CTBP2: variants seen among roughly 807,000 people sequenced by gnomAD.
CTBP2 encodes the protein C-terminal binding protein 2.
CTBP2 carries 30 observed loss-of-function variants against 80.3 expected under a neutral mutation model. The ratio of observed to expected loss-of-function variants is 0.37; its 90% CI spans 0.28 to 0.51. The LOEUF is 0.51. CTBP2 is among the 20% of genes least tolerant of loss of function. CTBP2 has a pLI of 0.93. For missense variants in CTBP2, 1,212 were observed against 1,375.3 expected (o/e 0.88, Z 1.88); for synonymous variants, 594 against 587.4 (o/e 1.01, Z -0.16).
chr10:124,993,351 A>AC lies in CTBP2; in HGVS notation c.2532-23_2532-22insG, dbSNP rs777357411. Reference sequence around the variant, plus strand: ...AAAGCTAGAAAAATGTAGAAAAAACAGAGTAAGCGGGAAATGTCGCATACG... The same window carrying AC: ...AAAGCTAGAAAAATGTAGAAAAAACACGAGTAAGCGGGAAATGTCGCATACG... On this transcript the variant is annotated intron_variant, in intron 6 of 8. Transcript: ENST00000309035. The AC allele has an allele frequency of 1.9e-6, 3 of 1,602,180 alleles. No homozygotes were observed. In the East Asian group the frequency reaches 6.7e-5, roughly 36 times the overall value.
chr10:125,052,531 C>T (rs891267913), intron 2 of CTBP2, among the ~76,000 whole-genome samples: 3 of 152,242 alleles, frequency 2.0e-5, no homozygotes, highest in Non-Finnish European at 4.4e-5. Flanking sequence ...TTTGTGTTGT[C>T]TGTGTTAACA....
chr10:125,145,255 C>T (rs924671614), intron 1 of CTBP2, among the ~76,000 whole-genome samples: 1 of 152,138 alleles, frequency 6.6e-6, no homozygotes, highest in African/African-American at 2.4e-5. Flanking sequence ...TCAGGCACCC[C>T]CTGGAGGAGG....
At chr10:125,154,467 C>T (rs911226682) in intron 1 of CTBP2, among the ~76,000 whole-genome samples, 1 of 152,200 alleles carries the variant, frequency 6.6e-6, no homozygotes, top group Non-Finnish European at 1.5e-5. Context: ...CATCACTTGT[C>T]CCATTCATAA....
chr10:125,031,007 C>T (rs2919286), upstream of CTBP2, among the ~76,000 whole-genome samples: 70,634 of 151,964 alleles, frequency 0.46, 16,734 homozygotes, highest in East Asian at 0.63. Flanking sequence ...GTGCCCTCTA[C>T]GTCTCCCACA....
intron 1 of CTBP2, among the ~76,000 whole-genome samples, chr10:125,016,919 C>T (rs773869816): frequency 1.3e-5 from 2 of 152,220 alleles, no homozygotes; most frequent in Non-Finnish European, 2.9e-5. Context: ...AGTGGGGAAA[C>T]GTGTTGGGTT....
Position 125,027,492 on chromosome 10 carries a change from T to A in CTBP2, c.268A>T (p.Thr90Ser). 6.2e-7 allele frequency: 1 copy of A among 1,614,106 alleles called. No individual in the cohort carries two copies. The highest frequency in any genetic ancestry group is 8.5e-7 in the Non-Finnish European group (1 of 1,180,024). Residue 90 changes from threonine to serine, a missense_variant, in exon 1 of 9, where the codon ACC becomes TCC. Thr to Ser is a moderately conservative substitution (Grantham distance 58). Transcript: ENST00000309035. ...ACTGCCTGTCTGCTGTCGTAGAAGG[T>A]GAAGTCAGGAGTAGACCCCTTTCTT...
At chr10:125,127,083 C>T (rs192035296) in intron 1 of CTBP2, among the ~76,000 whole-genome samples, 115 of 152,318 alleles carry the variant, frequency 7.5e-4, no homozygotes, top group Non-Finnish European at 8.8e-4. Flanking sequence ...GAGTGTTACA[C>T]GAAGTAGGCA....
intron 2 of CTBP2, among the ~76,000 whole-genome samples, chr10:125,045,960 C>T (rs996942151): frequency 2.6e-5 from 4 of 152,080 alleles, no homozygotes; most frequent in African/African-American, 9.7e-5. Context: ...CCTCTAATTC[C>T]CTAGGGCTGA....
At chr10:125,000,353 G>A (rs1202281151) in intron 3 of CTBP2, 2 of 152,242 alleles carry the variant, frequency 1.3e-5, no homozygotes, top group African/African-American at 4.8e-5. Flanking sequence ...TCCTTCAAGT[G>A]CCACACGATG....
intron 1 of CTBP2, among the ~76,000 whole-genome samples, chr10:125,020,260 T>A (rs776656583): frequency 1.2e-4 from 18 of 152,036 alleles, no homozygotes; most frequent in Non-Finnish European, 2.5e-4. Context: ...TGCACAGAGT[T>A]CCAGGTGTGA....
intron 1 of CTBP2, among the ~76,000 whole-genome samples, chr10:125,151,033 G>C (rs977527152): frequency 1.3e-5 from 2 of 151,890 alleles, no homozygotes; most frequent in Non-Finnish European, 1.5e-5. Flanking sequence ...TGAAGAGTCA[G>C]GGCAACGCAA....
rs190355164 is a variant in CTBP2 at position 125,067,039 on chromosome 10, C to T, written c.-101-27884G>A. Among the ~76,000 whole-genome samples the T allele has an allele frequency of 9.3e-4, 142 of 152,282 alleles. 1 individual carries two copies. Among genetic ancestry groups the T allele is most frequent in the African/African-American group, 3.2e-3 (134 of 41,560 alleles). ...CCTACTGATGGACAACCAGACACCC[C>T]CCACGTCCACCTGCTATGTGGGGCG... On this transcript the variant is annotated intron_variant, in intron 2 of 10. Transcript: ENST00000337195.
intron 1 of CTBP2, 43 bp from the exon 2 acceptor site, chr10:125,111,136 T>G (rs1027492965): frequency 5.3e-5 from 6 of 113,502 alleles, no homozygotes; most frequent in African/African-American, 2.7e-4. Flanking sequence ...GAAGTAGAGA[T>G]TTTTTTTTTT....
At chr10:125,149,879 C>A (rs1382296951) in intron 1 of CTBP2, among the ~76,000 whole-genome samples, 2 of 152,228 alleles carry the variant, frequency 1.3e-5, no homozygotes, top group African/African-American at 4.8e-5. Flanking sequence ...TGTCAGTTCT[C>A]TGATAGCCTC....
intron 2 of CTBP2, among the ~76,000 whole-genome samples, chr10:125,053,172 C>T (rs565805844): frequency 6.6e-6 from 1 of 152,332 alleles, no homozygotes; most frequent in South Asian, 2.1e-4. Context: ...GCCAAGGCTG[C>T]CCCTCAGGGC....
rs908446360 is a variant in CTBP2 at position 124,984,583 on chromosome 10, T to C, written c.*4935A>G. 1 of 554,000 alleles carries C rather than the reference T, an allele frequency of 1.8e-6. No individual in the cohort carries two copies. Among genetic ancestry groups the C allele is most frequent in the African/African-American group, 1.9e-5 (1 of 52,972 alleles). 34.3% of individuals were successfully genotyped at this position (554,000 alleles called of 1,614,324 possible). On this transcript the variant is annotated 3_prime_UTR_variant, in exon 9 of 9. Transcript: ENST00000309035. Reference sequence around the variant, plus strand: ...TTTTCTGAGAAATTTCCCATTTATGTCTTTTTAAATTTAACCAGAGCAAAC... The same window carrying C: ...TTTTCTGAGAAATTTCCCATTTATGCCTTTTTAAATTTAACCAGAGCAAAC...
Position 125,107,617 on chromosome 10 carries a change from C to T in CTBP2, c.-102+3373G>A, listed in dbSNP as rs183551511. ...CAGGAAGATGACCTCAACTAGGTGG[C>T]CTGCTACAGCCACAACTCAGATGGA... On this transcript the variant is annotated intron_variant, in intron 2 of 10. Coordinates refer to the CTBP2 transcript ENST00000337195. Among the ~76,000 whole-genome samples the T allele has an allele frequency of 9.1e-4, 138 of 152,352 alleles. 2 individuals carry two copies. Among genetic ancestry groups the T allele is most frequent in the African/African-American group, 3.2e-3 (132 of 41,580 alleles).
intron 1 of CTBP2, among the ~76,000 whole-genome samples, chr10:125,010,792 C>A (rs1445816468): frequency 2.0e-5 from 3 of 152,174 alleles, no homozygotes; most frequent in Non-Finnish European, 4.4e-5. Flanking sequence ...ATGAAGCACA[C>A]CTTCTAAACT....
intron 2 of CTBP2, among the ~76,000 whole-genome samples, chr10:125,080,706 C>T (rs1179945937): frequency 6.6e-6 from 1 of 152,142 alleles, no homozygotes; most frequent in Admixed American, 6.5e-5. Flanking sequence ...AATGAGGGAA[C>T]CTTAGCCATG....
Sources: gnomAD v4.1 joint callset for allele counts (sites outside exome capture counted in the v4.1 genomes callset) on GRCh38, gnomAD v4.1.1 for gene constraint, MANE v1.5 for transcripts, NCBI Gene and HGNC (gene_info 2026-07-23, HGNC 2026-07-21) for gene names.